PLIN2: variants seen among roughly 807,000 people sequenced by gnomAD.
The protein encoded by PLIN2 is perilipin 2.
In PLIN2, 33 loss-of-function variants were observed where a neutral mutation model predicts 30.6. That is an observed-to-expected ratio of 1.08 (90% CI 0.82 to 1.44). PLIN2 has a LOEUF of 1.44. Ranked by LOEUF, PLIN2 falls within the 40% of genes most tolerant of loss-of-function variation. PLIN2 has a pLI of 0.00. For synonymous variants in PLIN2, 205 were observed against 201.1 expected, an observed-to-expected ratio of 1.02 and a Z score of -0.16; for missense variants, 610 against 531.8, an observed-to-expected ratio of 1.15 and a Z score of -1.45.
At chr9:19,124,085 C>T (rs752739303) in intron 3 of PLIN2, among the ~76,000 whole-genome samples, 138 of 150,490 alleles carry the variant, frequency 9.2e-4, no homozygotes, top group Non-Finnish European at 1.4e-3. Context: ...TTATCTAGTT[C>T]TGACAGGAAG....
At chr9:19,125,198 C>T (rs1330653798) in intron 3 of PLIN2, among the ~76,000 whole-genome samples, 1 of 152,190 alleles carries the variant, frequency 6.6e-6, no homozygotes, top group African/African-American at 2.4e-5. Flanking sequence ...TTTAACTGTG[C>T]AATTCAGTGG....
intron 3 of PLIN2, among the ~76,000 whole-genome samples, chr9:19,125,309 T>C (rs548748291): frequency 1.1e-3 from 166 of 152,306 alleles, no homozygotes; most frequent in Non-Finnish European, 9.8e-4. Context: ...TCCTAGCACT[T>C]TGGGAGGCCG....
At chr9:19,115,469 G>C (rs1479034999), downstream of PLIN2, among the ~76,000 whole-genome samples, 1 of 151,858 alleles carries the variant, frequency 6.6e-6, no homozygotes, top group Admixed American at 6.6e-5. Flanking sequence ...CACCGTGCCC[G>C]GCTAATTTTT....
intron 4 of PLIN2, 145 bp downstream of exon 4, chr9:19,123,420 G>A (rs1162086377): frequency 1.3e-6 from 2 of 1,553,048 alleles, no homozygotes; most frequent in South Asian, 2.4e-5. Flanking sequence ...AAGTAAGGAA[G>A]TGGCCATTAT....
At position 19,123,588 on chromosome 9, in the gene PLIN2, T is replaced by C. The variant is rs766029648; in HGVS notation, c.286A>G (p.Ile96Val). The C allele has an allele frequency of 1.2e-5, 20 of 1,614,228 alleles. No homozygotes were observed. Among genetic ancestry groups the C allele is most frequent in the South Asian group, 2.2e-5 (2 of 91,090 alleles). Reference protein sequence around the residue: ...GLDRIEERLPILNQPSTQIVA... With the variant: ...GLDRIEERLPVLNQPSTQIVA... ...ACCTGAGTTGATGGCTGATTCAGAATAGGCAGTCTCTCCTCAATCCTGTCT... is the reference window on the plus strand; with the variant it reads ...ACCTGAGTTGATGGCTGATTCAGAACAGGCAGTCTCTCCTCAATCCTGTCT... The change falls in exon 4 of 8, where the codon ATT becomes GTT. Residue 96 changes from isoleucine to valine, a missense_variant. Coordinates refer to ENST00000276914, the MANE Select transcript of PLIN2 (RefSeq NM_001122.4).
At chr9:19,123,106 A>C in intron 4 of PLIN2, 1 of 456,686 alleles carries the variant, frequency 2.2e-6, no homozygotes, top group Non-Finnish European at 3.9e-6. Context: ...TTTGAAACAA[A>C]ATTTTAGGAC....
downstream of PLIN2, among the ~76,000 whole-genome samples, chr9:19,111,088 C>T (rs142791433): frequency 4.9e-3 from 748 of 151,620 alleles, 3 homozygotes; most frequent in African/African-American, 0.016. Flanking sequence ...GACGGAGTCT[C>T]GCTCTGTCGC....
In PLIN2 at chr9:19,115,802, T is replaced by A; in HGVS notation, c.*446A>T. On this transcript the variant is annotated 3_prime_UTR_variant, in exon 8 of 8. Coordinates refer to ENST00000276914, the MANE Select transcript of PLIN2 (RefSeq NM_001122.4). ...CAGTGAATTTTATTGAATTCAAAGGTAGTATTCCTATTTGAGAAATGAAAA... is the reference window on the plus strand; with the variant it reads ...CAGTGAATTTTATTGAATTCAAAGGAAGTATTCCTATTTGAGAAATGAAAA... 1 of 158,458 alleles carries A rather than the reference T, an allele frequency of 6.3e-6. No individual in the cohort carries two copies. Among genetic ancestry groups the A allele is most frequent in the East Asian group, 1.8e-4 (1 of 5,424 alleles). The allele number at this position is 158,458 out of a possible 1,614,324, so 9.8% of individuals were successfully genotyped here.
At chr9:19,123,784 G>A in intron 3 of PLIN2, 137 bp from the exon 4 acceptor site, 3 of 650,002 alleles carry the variant, frequency 4.6e-6, no homozygotes, top group Non-Finnish European at 7.8e-6. Context: ...ACTTTGGGAG[G>A]CTGAGGCAGG....
intron 2 of PLIN2, among the ~76,000 whole-genome samples, chr9:19,110,114 C>T (rs1301378057): frequency 6.6e-6 from 1 of 152,062 alleles, no homozygotes; most frequent in Non-Finnish European, 1.5e-5. Context: ...ACCTCAGCCT[C>T]CCAGGTTCAA....
intron 4 of PLIN2, 57 bp from the exon 5 acceptor site, chr9:19,121,222 C>A (rs1317687199): frequency 4.0e-6 from 6 of 1,495,716 alleles, no homozygotes; most frequent in Admixed American, 3.5e-5. Context: ...CAAGGACATA[C>A]CTAAGGTCTT....
chr9:19,119,893 G>C (rs1230847513), intron 5 of PLIN2, 62 bp from the exon 6 acceptor site: 1 of 1,093,728 alleles, frequency 9.1e-7, no homozygotes, highest in Admixed American at 2.2e-5. Context: ...GATAAGGCCT[G>C]GACTCTAACC....
downstream of PLIN2, among the ~76,000 whole-genome samples, chr9:19,113,182 A>C (rs1009574781): frequency 6.6e-6 from 1 of 152,052 alleles, no homozygotes; most frequent in Non-Finnish European, 1.5e-5. Context: ...ATCTCTACTA[A>C]AAAGACAAAA....
At chr9:19,111,349 A>G (rs1029810131), downstream of PLIN2, among the ~76,000 whole-genome samples, 2 of 152,078 alleles carry the variant, frequency 1.3e-5, no homozygotes, top group South Asian at 2.1e-4. Context: ...CACCTGGGCA[A>G]TTTTTACAAT....
intron 4 of PLIN2, among the ~76,000 whole-genome samples, chr9:19,121,975 G>A (rs756568541): frequency 7.2e-5 from 11 of 151,860 alleles, no homozygotes; most frequent in Middle Eastern, 3.4e-3. Context: ...TGGGTGTGGC[G>A]GGGCGTGCCT....
chr9:19,114,818 G>A (rs1465493176), downstream of PLIN2, among the ~76,000 whole-genome samples: 1 of 152,202 alleles, frequency 6.6e-6, no homozygotes, highest in Non-Finnish European at 1.5e-5. Context: ...CTAGAAGTCT[G>A]GATACCATAG....
At chr9:19,123,952 G>C (rs1024725941) in intron 3 of PLIN2, among the ~76,000 whole-genome samples, 2 of 151,802 alleles carry the variant, frequency 1.3e-5, no homozygotes, top group Non-Finnish European at 2.9e-5. Flanking sequence ...TCAGGAAGCA[G>C]GGGTTCCAGT....
In PLIN2 at chr9:19,116,632, AGTAC is replaced by A. The variant is rs1374463085; in HGVS notation, c.926_929del (p.Arg309LeufsTer8). On this transcript the variant is annotated frameshift_variant, in exon 8 of 8. Coordinates refer to ENST00000276914, the MANE Select transcript of PLIN2 (RefSeq NM_001122.4). LOFTEE classifies it low-confidence loss of function (END_TRUNC). ...GAGTCAGGTTGCGGGCAATTGCAAGAGTACGTGACTCAATGTGCTAAAAATAAAA... is the reference window on the plus strand; with the variant it reads ...GAGTCAGGTTGCGGGCAATTGCAAGAGTGACTCAATGTGCTAAAAATAAAA... The A allele has an allele frequency of 6.2e-7, 1 of 1,611,978 alleles. No homozygotes were observed.
Position 19,116,390 on chromosome 9 carries a change from T to C in PLIN2, c.1172A>G (p.Tyr391Cys). The change falls in exon 8 of 8, where the codon TAT becomes TGT. Residue 391 changes from tyrosine to cysteine, a missense_variant. Tyr to Cys is a radical substitution (Grantham distance 194). Transcript: ENST00000276914. The stretch of plus-strand genomic sequence containing the variant: ...GTTGAGGGGCGTGTTGTTAACAAGA[T>C]AATCCATCACGTCATCTAAAGATTC... ...MKESLDDVMDYLVNNTPLNWL... is the reference protein window; with the variant it reads ...MKESLDDVMDCLVNNTPLNWL... The C allele has an allele frequency of 6.2e-7, 1 of 1,614,216 alleles. No homozygotes were observed. Among genetic ancestry groups the C allele is most frequent in the East Asian group, 2.2e-5 (1 of 44,888 alleles).
Sources: allele counts gnomAD v4.1 joint callset (sites outside exome capture counted in the v4.1 genomes callset), GRCh38; gene constraint gnomAD v4.1.1; transcripts MANE v1.5; gene names NCBI Gene and HGNC (gene_info 2026-07-23, HGNC 2026-07-21).